MYT1L: variants seen among roughly 807,000 people sequenced by gnomAD.
MYT1L encodes myelin transcription factor 1 like, also known as myelin transcription factor 1-like protein.
A neutral mutation model predicts 126.7 loss-of-function variants in MYT1L; 12 were observed. The observed-to-expected ratio is 0.09, with a 90% confidence interval of 0.06 to 0.15. MYT1L has a LOEUF of 0.15. MYT1L is among the 10% of genes least tolerant of loss of function. The pLI is 1.00. For synonymous variants in MYT1L, 541 were observed against 604.2 expected (o/e 0.90, Z 1.53); for missense variants, 979 against 1,585.2 (o/e 0.62, Z 6.49).
chr2:2,036,511 A>C (rs1373236886), intron 4 of MYT1L, among the ~76,000 whole-genome samples: 2 of 151,506 alleles, frequency 1.3e-5, no homozygotes, highest in African/African-American at 2.4e-5. Flanking sequence ...CACAATCTCC[A>C]CTCTCTGATG....
At chr2:2,177,686 T>C (rs1372353073) in intron 2 of MYT1L, among the ~76,000 whole-genome samples, 1 of 152,048 alleles carries the variant, frequency 6.6e-6, no homozygotes, top group Non-Finnish European at 1.5e-5. Flanking sequence ...TTTGAGAGAA[T>C]CCAGGGAAAA....
intron 3 of MYT1L, among the ~76,000 whole-genome samples, chr2:2,107,368 G>A (rs1363985166): frequency 6.6e-6 from 1 of 152,216 alleles, no homozygotes; most frequent in African/African-American, 2.4e-5. Flanking sequence ...CTGTTCATGT[G>A]CATATTGGCT....
chr2:1,883,572 CT>C (rs1341262128), intron 18 of MYT1L, among the ~76,000 whole-genome samples: 7 of 152,280 alleles, frequency 4.6e-5, no homozygotes, highest in Admixed American at 4.6e-4. Flanking sequence ...CAAATGTATT[CT>C]TTTTCGCTTT....
At chr2:2,158,432 A>G (rs1392737616) in intron 3 of MYT1L, among the ~76,000 whole-genome samples, 1 of 152,196 alleles carries the variant, frequency 6.6e-6, no homozygotes, top group East Asian at 1.9e-4. Flanking sequence ...GCGCCTGACA[A>G]GGCCTGCAGG....
At chr2:2,266,957 G>A (rs904017661) in intron 2 of MYT1L, among the ~76,000 whole-genome samples, 28 of 152,160 alleles carry the variant, frequency 1.8e-4, no homozygotes, top group African/African-American at 6.5e-4. Context: ...AGTCTCGAGC[G>A]TCTTCGTTAG....
At chr2:1,957,860 G>A (rs2058629484) in intron 8 of MYT1L, among the ~76,000 whole-genome samples, 1 of 152,166 alleles carries the variant, frequency 6.6e-6, no homozygotes, top group Non-Finnish European at 1.5e-5. Flanking sequence ...TAGGTCCTCA[G>A]TGTGTTATTT....
At chr2:2,042,322 G>A (rs1371634910) in intron 4 of MYT1L, among the ~76,000 whole-genome samples, 10 of 152,144 alleles carry the variant, frequency 6.6e-5, no homozygotes, top group East Asian at 1.9e-4. Flanking sequence ...GGGTTTGTTA[G>A]GGAGTTGTCC....
rs2068002100 is a variant in MYT1L at position 2,044,995 on chromosome 2, G to A, written c.-158+8983C>T. Among the ~76,000 whole-genome samples the A allele has an allele frequency of 7.9e-5, 12 of 152,130 alleles. No homozygotes were observed. The South Asian group carries it at 2.1e-3, about 26-fold the overall frequency. ...GCACAAGTAGGAGGTGTTTAAACAT[G>A]TGAGTTCAGAACCCTGTTTATGGTC... On this transcript the variant is annotated intron_variant, in intron 4 of 24. Transcript: ENST00000647738.
chr2:2,266,628 T>C lies in MYT1L; in HGVS notation c.-421+17776A>G, dbSNP rs978011999. Among the ~76,000 whole-genome samples the C allele has an allele frequency of 4.6e-5, 7 of 152,104 alleles. 1 individual carries two copies. Among genetic ancestry groups the C allele is most frequent in the Admixed American group, 3.3e-4 (5 of 15,276 alleles). On this transcript the variant is annotated intron_variant, in intron 2 of 24. Transcript: ENST00000647738. ...GTGTTGTTACAGGAAGGAGGGATAG[T>C]GATGATATGGTTTGGCTGTGTCCCC...
At chr2:1,847,685 T>C (rs2042684802) in intron 19 of MYT1L, among the ~76,000 whole-genome samples, 1 of 152,118 alleles carries the variant, frequency 6.6e-6, no homozygotes, top group Non-Finnish European at 1.5e-5. Flanking sequence ...TCTGTTAGTT[T>C]GAAAACAAGA....
intron 2 of MYT1L, among the ~76,000 whole-genome samples, chr2:2,211,350 T>C (rs2093498505): frequency 6.6e-6 from 1 of 152,242 alleles, no homozygotes; most frequent in African/African-American, 2.4e-5. Context: ...AAAGTAATTC[T>C]TTCTTACTAA....
At chr2:1,942,176 GCAAA>G (rs745585824) in intron 9 of MYT1L, among the ~76,000 whole-genome samples, 4 of 152,066 alleles carry the variant, frequency 2.6e-5, no homozygotes, top group African/African-American at 9.7e-5. Context: ...AAACAAACAA[GCAAA>G]CAAACAAACA....
At position 2,160,400 on chromosome 2, in the gene MYT1L, C is replaced by T. The variant is rs145288998; in HGVS notation, c.-304+12472G>A. ...AGAAACCAAATGGTTGATGAAGGAA[C>T]GTTTTCTGTAGAGAAGTCCTCTGAA... On this transcript the variant is annotated intron_variant, in intron 3 of 24. Coordinates refer to ENST00000647738, the MANE Select transcript of MYT1L (RefSeq NM_001303052.2). Among the ~76,000 whole-genome samples the T allele has an allele frequency of 1.1e-3, 167 of 152,284 alleles. 2 individuals carry two copies. In the East Asian group the frequency reaches 0.025, roughly 23 times the overall value.
intron 4 of MYT1L, among the ~76,000 whole-genome samples, chr2:2,044,011 C>CA (rs2067863306): frequency 6.6e-6 from 1 of 152,036 alleles, no homozygotes; most frequent in Admixed American, 6.6e-5. Context: ...GGAGAGAGTT[C>CA]AAAAGGTACT....
At chr2:2,218,857 C>T (rs939597150) in intron 2 of MYT1L, among the ~76,000 whole-genome samples, 7 of 152,278 alleles carry the variant, frequency 4.6e-5, no homozygotes, top group African/African-American at 1.4e-4. Flanking sequence ...AAGGTGAGGG[C>T]AGAGACTGGG....
chr2:2,265,349 A>G (rs1230763650), intron 2 of MYT1L, among the ~76,000 whole-genome samples: 1 of 151,228 alleles, frequency 6.6e-6, no homozygotes, highest in Admixed American at 6.6e-5. Context: ...TAATAATGAC[A>G]TCTACCTTTT....
Position 1,912,810 on chromosome 2 carries a change from G to A in MYT1L, c.1619-700C>T, listed in dbSNP as rs963965331. ...GGTGCAAGGATGCTACTGGCTGGTC[G>A]GCAGGGGAGAGCTGCTTGAATTTTC... On this transcript the variant is annotated intron_variant, in intron 11 of 24. Coordinates refer to ENST00000647738, the MANE Select transcript of MYT1L (RefSeq NM_001303052.2). The surrounding 1 kb of genome is among the most constrained non-coding windows in gnomAD (Gnocchi z 4.3). Among the ~76,000 whole-genome samples, 2 of 152,164 alleles carry A rather than the reference G, an allele frequency of 1.3e-5. No homozygotes were observed. The highest frequency in any genetic ancestry group is 2.1e-4 in the South Asian group (1 of 4,820).
At chr2:1,970,309 A>G (rs954441475) in intron 8 of MYT1L, among the ~76,000 whole-genome samples, 1 of 152,046 alleles carries the variant, frequency 6.6e-6, no homozygotes, top group Admixed American at 6.5e-5. Context: ...ATGCTCATGA[A>G]CCTGGCTACT....
At chr2:1,863,732 A>G (rs2045049175) in intron 18 of MYT1L, among the ~76,000 whole-genome samples, 1 of 139,548 alleles carries the variant, frequency 7.2e-6, no homozygotes, top group Non-Finnish European at 1.6e-5. Context: ...GTCACTTGAG[A>G]AACAAAAAAG....
Sources: gnomAD v4.1 joint callset for allele counts (sites outside exome capture counted in the v4.1 genomes callset) on GRCh38, gnomAD v4.1.1 for gene constraint, Gnocchi (gnomAD v3.1) non-coding constraint, MANE v1.5 for transcripts, NCBI Gene and HGNC (gene_info 2026-07-23, HGNC 2026-07-21) for gene names.